The following PFKFB3 variants were observed in gnomAD, a reference collection of about 807,000 sequenced individuals.
PFKFB3 encodes 6-phosphofructo-2-kinase/fructose-2,6-biphosphatase 3.
In PFKFB3, 33 loss-of-function variants were observed where a neutral mutation model predicts 68.0. The ratio of observed to expected loss-of-function variants is 0.49; its 90% CI spans 0.37 to 0.65. The LOEUF (loss-of-function observed/expected upper bound fraction) is 0.65, where lower values mean the gene tolerates loss of function less well. Ranked by LOEUF, PFKFB3 falls within the 30% of genes least tolerant of loss-of-function variation. The pLI is 0.00. For missense variants in PFKFB3, 586 were observed against 712.2 expected (o/e 0.82, Z 2.02); for synonymous variants, 315 against 288.2 (o/e 1.09, Z -0.94).
At chr10:6,285,903 T>G in the PFKFB3 span, among the ~76,000 whole-genome samples, 1 of 152,116 alleles carries the variant, frequency 6.6e-6, no homozygotes, top group African/African-American at 2.4e-5. Flanking sequence ...TTTTTAAGAC[T>G]GAATAATATT....
chr10:6,199,019 T>G (rs1344188304), upstream of PFKFB3, among the ~76,000 whole-genome samples: 1 of 152,256 alleles, frequency 6.6e-6, no homozygotes, highest in Non-Finnish European at 1.5e-5. Flanking sequence ...CTCAATCATG[T>G]GTGAGTTACA....
At chr10:6,224,259 G>T (rs771927806) in intron 13 of PFKFB3, 46 bp downstream of exon 13, 2 of 1,590,692 alleles carry the variant, frequency 1.3e-6, no homozygotes, top group Non-Finnish European at 1.7e-6. Flanking sequence ...TCACACGATA[G>T]CCCTAGTGGG....
intron 1 of PFKFB3, among the ~76,000 whole-genome samples, chr10:6,188,138 T>TC (rs1267378866): frequency 5.3e-5 from 8 of 151,596 alleles, no homozygotes; most frequent in Non-Finnish European, 8.8e-5. Context: ...TATTTTTTTT[T>TC]CTGAACCATT....
the PFKFB3 span, among the ~76,000 whole-genome samples, chr10:6,322,079 T>A: frequency 5.3e-5 from 8 of 152,238 alleles, no homozygotes; most frequent in African/African-American, 1.9e-4. Flanking sequence ...AAATTGTCTG[T>A]TGACATATTC....
At position 6,233,257 on chromosome 10, in the gene PFKFB3, A is replaced by T; in HGVS notation, c.*315A>T. 3 of 343,692 alleles carry T rather than the reference A, an allele frequency of 8.7e-6. No homozygotes were observed. The highest frequency in any genetic ancestry group is 4.4e-5 in the Admixed American group (1 of 22,624). The allele number at this position is 343,692 out of a possible 1,614,324, so 21.3% of individuals were successfully genotyped here. A position where few individuals can be genotyped will look rare whatever the true frequency, so the allele number is the denominator to read the frequency against. On this transcript the variant is annotated 3_prime_UTR_variant, in exon 15 of 15. Transcript: ENST00000379775. Reference sequence around the variant, plus strand: ...GGGAGGGTGATGAGTGCTGGTCCTGACAGGAGGCCGCTGGGGACACTGTGC... The same window carrying T: ...GGGAGGGTGATGAGTGCTGGTCCTGTCAGGAGGCCGCTGGGGACACTGTGC...
intron 14 of PFKFB3, among the ~76,000 whole-genome samples, chr10:6,252,762 T>C (rs548386651): frequency 3.9e-5 from 6 of 152,348 alleles, no homozygotes; most frequent in Admixed American, 2.6e-4. Context: ...ATTCCATTCA[T>C]GTCTCTCTCT....
intron 1 of PFKFB3, among the ~76,000 whole-genome samples, chr10:6,189,467 T>C (rs1842967806): frequency 6.6e-6 from 1 of 151,874 alleles, no homozygotes; most frequent in Non-Finnish European, 1.5e-5. Context: ...GCTCGAGTAG[T>C]AGTGATGTGC....
At chr10:6,269,078 A>G in the PFKFB3 span, among the ~76,000 whole-genome samples, 1 of 151,030 alleles carries the variant, frequency 6.6e-6, no homozygotes, top group Admixed American at 6.6e-5. Context: ...TTTTTTAATT[A>G]TTTACTGCTA....
chr10:6,292,238 G>A, the PFKFB3 span, among the ~76,000 whole-genome samples: 1 of 144,678 alleles, frequency 6.9e-6, no homozygotes, highest in Non-Finnish European at 1.5e-5. Flanking sequence ...ACAAGTGTGA[G>A]CCACAGCACC....
At chr10:6,146,116 A>T in intron 1 of PFKFB3, 1 of 532,298 alleles carries the variant, frequency 1.9e-6, no homozygotes, top group Non-Finnish European at 2.4e-6. Flanking sequence ...TGGGCACACT[A>T]AGGACGTTGA....
intron 1 of PFKFB3, among the ~76,000 whole-genome samples, chr10:6,177,400 C>CTTTCTTTCTTTCTT (rs1842520086): frequency 7.2e-6 from 1 of 138,044 alleles, no homozygotes; most frequent in Non-Finnish European, 1.6e-5. Context: ...TTCTTTCTTT[C>CTTTCTTTCTTTCTT]TTTCTTTCTT....
intron 1 of PFKFB3, among the ~76,000 whole-genome samples, chr10:6,151,087 G>A (rs539155346): frequency 6.6e-6 from 1 of 152,294 alleles, no homozygotes; most frequent in South Asian, 2.1e-4. Flanking sequence ...CGGTTGAGAC[G>A]GTGGACCAGG....
rs1242752213 is a variant in PFKFB3, at chr10:6,183,614, A to AAAT, written c.17-30008_17-30007insATA. On this transcript the variant is annotated intron_variant, in intron 1 of 14. Coordinates refer to the PFKFB3 transcript ENST00000379789. ...GACCAGCCTGGTCAAAAAAAAAAAA[A>AAAT]ATATATATATATATATATGTATATA... 7.7e-3 allele frequency among the ~76,000 whole-genome samples: 724 copies of AAAT among 93,906 alleles called. 5 individuals are homozygous for AAAT. The highest frequency in any genetic ancestry group is 0.031 in the Middle Eastern group (6 of 194). 61.6% of individuals were successfully genotyped at this position (93,906 alleles called of 152,430 possible). A position where few individuals can be genotyped will look rare whatever the true frequency, so the allele number is the denominator to read the frequency against.
the PFKFB3 span, among the ~76,000 whole-genome samples, chr10:6,316,279 G>C: frequency 6.6e-6 from 1 of 152,056 alleles, no homozygotes; most frequent in Non-Finnish European, 1.5e-5. Context: ...GTTGAGCTGA[G>C]GTCACACTCT....
At chr10:6,191,436 C>T (rs112297702) in intron 1 of PFKFB3, among the ~76,000 whole-genome samples, 248 of 152,298 alleles carry the variant, frequency 1.6e-3, no homozygotes, top group African/African-American at 5.7e-3. Flanking sequence ...GTTCCATCAG[C>T]GGTTTCACTT....
intron 2 of PFKFB3, 145 bp downstream of exon 2, chr10:6,213,893 C>T: frequency 1.3e-6 from 1 of 793,868 alleles, no homozygotes; most frequent in Non-Finnish European, 2.0e-6. Context: ...GCAGCTGGGT[C>T]CCCTTCACAC....
intron 11 of PFKFB3, among the ~76,000 whole-genome samples, chr10:6,223,326 G>A (rs962218542): frequency 6.6e-6 from 1 of 152,180 alleles, no homozygotes; most frequent in Non-Finnish European, 1.5e-5. Flanking sequence ...CAAACAGCCC[G>A]GAAAACTCTG....
At chr10:6,181,255 G>T (rs946059204) in intron 1 of PFKFB3, among the ~76,000 whole-genome samples, 4 of 152,160 alleles carry the variant, frequency 2.6e-5, no homozygotes, top group Admixed American at 1.3e-4. Context: ...TCCTGGCCTG[G>T]AGTGATCCTC....
chr10:6,150,307 A>C (rs1192545092), intron 1 of PFKFB3, among the ~76,000 whole-genome samples: 1 of 152,170 alleles, frequency 6.6e-6, no homozygotes, highest in African/African-American at 2.4e-5. Context: ...TTTTGGAATG[A>C]GTAGTTGCAG....
Sources: gnomAD v4.1 joint callset for allele counts (sites outside exome capture counted in the v4.1 genomes callset) on GRCh38, gnomAD v4.1.1 for gene constraint, MANE v1.5 for transcripts, NCBI Gene and HGNC (gene_info 2026-07-23, HGNC 2026-07-21) for gene names.